The following NAV3 variants were observed in gnomAD, a reference collection of about 807,000 sequenced individuals.
NAV3 encodes the protein neuron navigator 3.
A neutral mutation model predicts 244.7 loss-of-function variants in NAV3; 87 were observed. The observed-to-expected ratio is 0.36, with a 90% CI of 0.30 to 0.42. The LOEUF (loss-of-function observed/expected upper bound fraction) is 0.42, where lower values mean the gene tolerates loss of function less well. NAV3 is among the 20% of genes least tolerant of loss of function. The pLI, the probability that NAV3 is intolerant of heterozygous loss-of-function variation, is 1.00. For synonymous variants in NAV3, 1,126 were observed against 1,042.2 expected (o/e 1.08, Z -1.55); for missense variants, 2,663 against 2,893.3 (o/e 0.92, Z 1.83).
intron 1 of NAV3, among the ~76,000 whole-genome samples, chr12:77,867,530 C>G (rs1880252330): frequency 6.6e-6 from 1 of 152,150 alleles, no homozygotes; most frequent in Non-Finnish European, 1.5e-5. Flanking sequence ...TGCCATTCTC[C>G]TGCCTCAGCC....
chr12:77,678,024 C>T (rs888281890), intron 2 of NAV3, among the ~76,000 whole-genome samples: 1 of 152,028 alleles, frequency 6.6e-6, no homozygotes, highest in African/African-American at 2.4e-5. Context: ...GGACAGATAG[C>T]AGGCTCTGAT....
intron 12 of NAV3, among the ~76,000 whole-genome samples, chr12:78,095,051 A>G (rs930061252): frequency 1.8e-5 from 2 of 110,842 alleles, no homozygotes; most frequent in Admixed American, 9.1e-5. Context: ...CAAATTATAT[A>G]TATATATATA....
chr12:78,010,862 G>C (rs1202680617), intron 8 of NAV3: 1 of 151,968 alleles, frequency 6.6e-6, no homozygotes, highest in Non-Finnish European at 1.5e-5. Context: ...TTCCTTCTGA[G>C]ACTTCAATAA....
intron 12 of NAV3, among the ~76,000 whole-genome samples, chr12:78,073,614 C>T (rs1442011629): frequency 6.6e-6 from 1 of 151,918 alleles, no homozygotes; most frequent in Non-Finnish European, 1.5e-5. Context: ...CCATACTGCC[C>T]AAGGTAATTT....
Position 78,126,542 on chromosome 12 carries a change from A to T in NAV3, c.4239-625A>T, listed in dbSNP as rs12227110. Among the ~76,000 whole-genome samples the T allele has an allele frequency of 1.9e-3, 287 of 152,266 alleles. 4 individuals carry two copies. The East Asian group carries it at 0.035, about 18-fold the overall frequency. ...TTGTGAATTCCTTAAAATAGAGATGATAAAATTTATAGCCTTTTAAATACC... is the reference window on the plus strand; with the variant it reads ...TTGTGAATTCCTTAAAATAGAGATGTTAAAATTTATAGCCTTTTAAATACC... On this transcript the variant is annotated intron_variant, in intron 16 of 39. Coordinates refer to ENST00000397909, the MANE Select transcript of NAV3 (RefSeq NM_001024383.2).
At chr12:78,113,306 TG>T (rs1372023108) in intron 12 of NAV3, among the ~76,000 whole-genome samples, 1 of 152,234 alleles carries the variant, frequency 6.6e-6, no homozygotes, top group Non-Finnish European at 1.5e-5. Context: ...AGTACCCCAG[TG>T]GGGACTCTGT....
At chr12:77,969,948 TA>T (rs1238561733) in intron 5 of NAV3, among the ~76,000 whole-genome samples, 6 of 152,212 alleles carry the variant, frequency 3.9e-5, no homozygotes, top group Admixed American at 1.3e-4. Context: ...ATTACATCCT[TA>T]AAATATCTAC....
intron 22 of NAV3, among the ~76,000 whole-genome samples, chr12:78,157,031 T>C (rs1957333033): frequency 6.6e-6 from 1 of 152,070 alleles, no homozygotes; most frequent in Non-Finnish European, 1.5e-5. Flanking sequence ...GGAAAAACTA[T>C]AAAGAAAAGC....
Position 77,811,049 on chromosome 12 carries a change from TCAAA to T in NAV3, c.73-129266_73-129263del, listed in dbSNP as rs1000668407. Among the ~76,000 whole-genome samples the T allele has an allele frequency of 5.3e-5, 8 of 152,314 alleles. No homozygotes were observed. In the Middle Eastern group the frequency reaches 0.01, roughly 194 times the overall value. On this transcript the variant is annotated intron_variant, in intron 2 of 8. Coordinates refer to the NAV3 transcript ENST00000550042. ...AACTTTTAAAATTTAAAACATTTCCTCAAACAATGACAAAATAAACACACAGAAG... is the reference window on the plus strand; with the variant it reads ...AACTTTTAAAATTTAAAACATTTCCTCAATGACAAAATAAACACACAGAAG...
chr12:77,716,371 T>C lies in NAV3; in HGVS notation c.72+144105T>C, dbSNP rs188553577. On this transcript the variant is annotated intron_variant, in intron 2 of 8. Coordinates refer to the NAV3 transcript ENST00000550042. Reference sequence around the variant, plus strand: ...AATGAATAAGGAATGTACCATGTTCTCAAGAAACTCACAGAGTTTTAAGAG... The same window carrying C: ...AATGAATAAGGAATGTACCATGTTCCCAAGAAACTCACAGAGTTTTAAGAG... 1.2e-3 allele frequency among the ~76,000 whole-genome samples: 188 copies of C among 151,894 alleles called. 2 individuals carry two copies. Among genetic ancestry groups the C allele is most frequent in the Non-Finnish European group, 2.7e-4 (18 of 67,820 alleles).
At position 78,083,054 on chromosome 12, in the gene NAV3, A is replaced by G. The variant is rs557714030; in HGVS notation, c.2636+23939A>G. 2.0e-5 allele frequency among the ~76,000 whole-genome samples: 3 copies of G among 152,240 alleles called. No homozygotes were observed. The South Asian group carries it at 6.2e-4, about 32-fold the overall frequency. Reference sequence around the variant, plus strand: ...AAACTGAATAATTTATAAGGAAAAGAAATTCACATCTTAGAGTTATGAAGG... The same window carrying G: ...AAACTGAATAATTTATAAGGAAAAGGAATTCACATCTTAGAGTTATGAAGG... On this transcript the variant is annotated intron_variant, in intron 12 of 39. Coordinates refer to ENST00000397909, the MANE Select transcript of NAV3 (RefSeq NM_001024383.2).
Position 77,998,446 on chromosome 12 carries a change from C to T in NAV3, c.850C>T (p.Pro284Ser). 1 of 1,609,750 alleles carries T rather than the reference C, an allele frequency of 6.2e-7. No individual in the cohort carries two copies. The highest frequency in any genetic ancestry group is 1.1e-5 in the South Asian group (1 of 90,590). ...CTTTAACAGCATTGACAAAAACAAG[C>T]CTCCAAATTATGCAAATGGAAACGA... ...QSFNSIDKNK[P>S]PNYANGNEKD... The change falls in exon 7 of 40, where the codon CCT becomes TCT. Residue 284 changes from proline to serine, a missense_variant. By Grantham distance (74) the Pro-to-Ser change is moderately conservative. Coordinates refer to ENST00000397909, the MANE Select transcript of NAV3 (RefSeq NM_001024383.2).
intron 3 of NAV3, among the ~76,000 whole-genome samples, chr12:77,946,689 A>C (rs1217599703): frequency 6.6e-6 from 1 of 152,180 alleles, no homozygotes; most frequent in Non-Finnish European, 1.5e-5. Flanking sequence ...GAGGAAATAA[A>C]TTAGTAAACT....
intron 2 of NAV3, among the ~76,000 whole-genome samples, chr12:77,698,317 G>A (rs937538492): frequency 1.3e-5 from 2 of 152,016 alleles, no homozygotes; most frequent in African/African-American, 4.8e-5. Context: ...GCTTGCCTGC[G>A]AATCATTTCT....
At chr12:77,812,669 C>T (rs760396258) in intron 2 of NAV3, among the ~76,000 whole-genome samples, 7 of 152,120 alleles carry the variant, frequency 4.6e-5, no homozygotes, top group Non-Finnish European at 7.4e-5. Flanking sequence ...TCACCTAGGG[C>T]GCTCCCGCCT....
intron 3 of NAV3, 66 bp from the exon 4 acceptor site, chr12:77,966,163 T>C (rs1475084466): frequency 2.3e-6 from 3 of 1,309,626 alleles, no homozygotes; most frequent in Non-Finnish European, 3.3e-6. Flanking sequence ...CTGGTTTCAT[T>C]TTGGCACATG....
intron 2 of NAV3, among the ~76,000 whole-genome samples, chr12:77,750,636 C>T (rs972917484): frequency 6.6e-6 from 1 of 151,956 alleles, no homozygotes; most frequent in African/African-American, 2.4e-5. Context: ...TCTTGTTTGG[C>T]TTTCTGGGCC....
intron 2 of NAV3, among the ~76,000 whole-genome samples, chr12:77,602,266 G>A (rs764297094): frequency 6.6e-6 from 1 of 152,022 alleles, no homozygotes; most frequent in Non-Finnish European, 1.5e-5. Flanking sequence ...AATTATTAAA[G>A]AGAGGGCAAA....
At chr12:77,917,301 G>A (rs1490291385) in intron 1 of NAV3, among the ~76,000 whole-genome samples, 2 of 151,892 alleles carry the variant, frequency 1.3e-5, no homozygotes, top group East Asian at 1.9e-4. Flanking sequence ...TGAATTACCA[G>A]AACCAGGATT....
Sources: allele counts gnomAD v4.1 joint callset (sites outside exome capture counted in the v4.1 genomes callset), GRCh38; gene constraint gnomAD v4.1.1; transcripts MANE v1.5; gene names NCBI Gene and HGNC (gene_info 2026-07-23, HGNC 2026-07-21).